The following RPS6KC1 variants were observed in gnomAD, a reference collection of about 807,000 sequenced individuals.
RPS6KC1 encodes the protein ribosomal protein S6 kinase C1.
Under a neutral mutation model 103.8 loss-of-function variants are expected in RPS6KC1, and 54 were observed. The observed-to-expected ratio is 0.52, with a 90% CI of 0.42 to 0.65. RPS6KC1 has a LOEUF of 0.65. Among genes scored for constraint, RPS6KC1 ranks in the 30% least tolerant of loss-of-function variants. The pLI is 0.00. For missense variants in RPS6KC1, 1,151 were observed against 1,253.8 expected (o/e 0.92, Z 1.24); for synonymous variants, 439 against 438.7 (o/e 1.00, Z -0.01).
chr1:213,491,636 A>G, the RPS6KC1 span, among the ~76,000 whole-genome samples: 45 of 152,274 alleles, frequency 3.0e-4, no homozygotes, highest in Non-Finnish European at 6.0e-4. Flanking sequence ...TCCAGGTGAG[A>G]CTCAGAGCTG....
intron 5 of RPS6KC1, 33 bp downstream of exon 5, chr1:213,117,443 G>T (rs2083789648): frequency 7.8e-7 from 1 of 1,283,508 alleles, no homozygotes; most frequent in African/African-American, 1.5e-5. Flanking sequence ...CATTTCAAAG[G>T]TTTGGATTAC....
At chr1:213,806,941 T>C in the RPS6KC1 span, among the ~76,000 whole-genome samples, 5 of 151,612 alleles carry the variant, frequency 3.3e-5, no homozygotes, top group Middle Eastern at 3.4e-3. Context: ...CCATGTTTAG[T>C]GCTTCCTTCA....
rs1558323921 is a variant in RPS6KC1, at chr1:213,104,576, TA to T, written c.378+8del. 1 of 1,465,180 alleles carries T rather than the reference TA, an allele frequency of 6.8e-7. No individual in the cohort carries two copies. The highest frequency in any genetic ancestry group is 1.8e-5 in the Admixed American group (1 of 54,872). 90.8% of individuals were successfully genotyped at this position (1,465,180 alleles called of 1,614,324 possible). A position where few individuals can be genotyped will look rare whatever the true frequency, so the allele number is the denominator to read the frequency against. On this transcript the variant is annotated splice_region_variant and intron_variant, in intron 4 of 14. Coordinates refer to ENST00000366960, the MANE Select transcript of RPS6KC1 (RefSeq NM_012424.6). ...GCTTGAAGACTTTTTCAAGGTTTGG[TA>T]GTCTTTCTGGAATATTTTATATCTT...
the RPS6KC1 span, among the ~76,000 whole-genome samples, chr1:213,500,550 A>G: frequency 6.6e-6 from 1 of 152,250 alleles, no homozygotes; most frequent in African/African-American, 2.4e-5. Context: ...GGTACCACAC[A>G]TAATTGTATA....
chr1:213,585,515 A>G, the RPS6KC1 span, among the ~76,000 whole-genome samples: 2 of 152,208 alleles, frequency 1.3e-5, no homozygotes, highest in Non-Finnish European at 2.9e-5. Context: ...ATCTCCAAAT[A>G]ACACAAAAGC....
the RPS6KC1 span, among the ~76,000 whole-genome samples, chr1:213,583,829 AAAAAAAAAAGAAAAAAG>A: frequency 7.8e-4 from 114 of 146,250 alleles, 2 homozygotes; most frequent in Middle Eastern, 7.1e-3. Flanking sequence ...TCAAAAAAAA[AAAAAAAAAAGAAAAAAG>A]AAAAAAAAAG....
At chr1:213,069,700 G>A (rs1218651987) in intron 1 of RPS6KC1, among the ~76,000 whole-genome samples, 2 of 152,124 alleles carry the variant, frequency 1.3e-5, no homozygotes, top group African/African-American at 4.8e-5. Context: ...TTTTTAAAGT[G>A]AAAGCAAGTT....
At chr1:213,779,926 G>T in the RPS6KC1 span, among the ~76,000 whole-genome samples, 2 of 152,174 alleles carry the variant, frequency 1.3e-5, no homozygotes, top group African/African-American at 4.8e-5. Flanking sequence ...CTCTCCCTGT[G>T]TCCTATGATG....
At chr1:213,762,044 G>A in the RPS6KC1 span, among the ~76,000 whole-genome samples, 3 of 151,592 alleles carry the variant, frequency 2.0e-5, no homozygotes, top group Non-Finnish European at 2.9e-5. Context: ...GAAAGGGGAG[G>A]AGGAAAAGAG....
At chr1:213,236,341 A>C (rs1213025972) in intron 10 of RPS6KC1, among the ~76,000 whole-genome samples, 1 of 152,204 alleles carries the variant, frequency 6.6e-6, no homozygotes, top group Non-Finnish European at 1.5e-5. Context: ...TCTGTTTTAC[A>C]TGATTTCAAA....
the RPS6KC1 span, among the ~76,000 whole-genome samples, chr1:213,578,009 C>A: frequency 6.6e-6 from 1 of 152,236 alleles, no homozygotes; most frequent in African/African-American, 2.4e-5. Context: ...CAGCCCCAAG[C>A]TGGGGGGCCT....
At chr1:213,258,882 TGAATCTGG>T in intron 12 of RPS6KC1, among the ~76,000 whole-genome samples, 1 of 152,188 alleles carries the variant, frequency 6.6e-6, no homozygotes, top group Non-Finnish European at 1.5e-5. Flanking sequence ...GTTATGTATT[TGAATCTGG>T]GAGGGGTAGC....
chr1:213,433,797 G>GAAAAA, the RPS6KC1 span, among the ~76,000 whole-genome samples: 1 of 152,114 alleles, frequency 6.6e-6, no homozygotes, highest in Admixed American at 6.5e-5. Flanking sequence ...AAAAATTATT[G>GAAAAA]TTTGGTTACT....
At chr1:213,734,910 GTTGTTGTTGTTGTTGT>G in the RPS6KC1 span, among the ~76,000 whole-genome samples, 2 of 152,034 alleles carry the variant, frequency 1.3e-5, no homozygotes, top group Middle Eastern at 3.2e-3. Flanking sequence ...GTTTGTTGTT[GTTGTTGTTGTTGTTGT>G]TTGTTGTTGT....
At chr1:213,813,679 A>G in the RPS6KC1 span, among the ~76,000 whole-genome samples, 1 of 152,154 alleles carries the variant, frequency 6.6e-6, no homozygotes, top group African/African-American at 2.4e-5. Context: ...TGTGTTCTTC[A>G]GGAGAAGGAG....
At chr1:213,117,798 G>A (rs1256706537) in intron 5 of RPS6KC1, among the ~76,000 whole-genome samples, 1 of 151,612 alleles carries the variant, frequency 6.6e-6, no homozygotes, top group Non-Finnish European at 1.5e-5. Context: ...TGAGGTGGGT[G>A]AATCACCTGA....
At chr1:213,513,060 A>G in the RPS6KC1 span, among the ~76,000 whole-genome samples, 1 of 152,202 alleles carries the variant, frequency 6.6e-6, no homozygotes, top group South Asian at 2.1e-4. Context: ...GACTGGTCTG[A>G]ACTATCCTGG....
chr1:213,548,238 G>T, the RPS6KC1 span, among the ~76,000 whole-genome samples: 1 of 152,150 alleles, frequency 6.6e-6, no homozygotes, highest in African/African-American at 2.4e-5. Context: ...ATTTTAGAAA[G>T]CAAGTTAGAA....
chr1:213,623,618 G>A, the RPS6KC1 span, among the ~76,000 whole-genome samples: 1 of 152,168 alleles, frequency 6.6e-6, no homozygotes, highest in African/African-American at 2.4e-5. Context: ...AAAGGGAACT[G>A]TCATACTGAG....
Sources: allele counts gnomAD v4.1 joint callset (sites outside exome capture counted in the v4.1 genomes callset), GRCh38; gene constraint gnomAD v4.1.1; transcripts MANE v1.5; gene names NCBI Gene and HGNC (gene_info 2026-07-23, HGNC 2026-07-21).